The following SLC35D2 variants were observed in gnomAD, a reference collection of about 807,000 sequenced individuals.
SLC35D2 encodes solute carrier family 35 member D2.
SLC35D2 carries 43 observed loss-of-function variants against 41.8 expected under a neutral mutation model. The ratio of observed to expected loss-of-function variants is 1.03; its 90% CI spans 0.81 to 1.33. The LOEUF is 1.33. SLC35D2 is among the 40% of genes most tolerant of loss of function. The probability of loss-of-function intolerance (pLI) is 0.00; values close to 1 mark genes in which losing one functional copy is unlikely to be tolerated. For synonymous variants in SLC35D2, 150 were observed against 163.9 expected (o/e 0.92, Z 0.65); for missense variants, 380 against 408.4 (o/e 0.93, Z 0.60).
intron 4 of SLC35D2, among the ~76,000 whole-genome samples, chr9:96,358,204 GC>G (rs939464945): frequency 3.3e-5 from 5 of 150,368 alleles, no homozygotes; most frequent in Non-Finnish European, 4.4e-5. Flanking sequence ...AAGAGAATAA[GC>G]CAGACAAAAA....
downstream of SLC35D2, among the ~76,000 whole-genome samples, chr9:96,319,725 C>T (rs965702862): frequency 6.6e-6 from 1 of 152,112 alleles, no homozygotes; most frequent in Non-Finnish European, 1.5e-5. Flanking sequence ...GCCTCAAACT[C>T]CTAGGCTCAA....
intron 6 of SLC35D2, 27 bp from the exon 7 acceptor site, chr9:96,345,428 T>C (rs1346837898): frequency 1.5e-6 from 2 of 1,344,386 alleles, no homozygotes; most frequent in Admixed American, 3.6e-5. Flanking sequence ...AAAGGGAGAA[T>C]GATTACTCAA....
At chr9:96,340,268 A>G (rs1233258571) in intron 8 of SLC35D2, among the ~76,000 whole-genome samples, 1 of 152,066 alleles carries the variant, frequency 6.6e-6, no homozygotes, top group East Asian at 1.9e-4. Context: ...TTTTTCTTGC[A>G]GATTACAGTG....
intron 3 of SLC35D2, among the ~76,000 whole-genome samples, chr9:96,362,992 G>A (rs1239530018): frequency 2.0e-5 from 3 of 150,968 alleles, no homozygotes; most frequent in African/African-American, 4.9e-5. Flanking sequence ...TCAGTCTCCC[G>A]AGTAGCTGGG....
downstream of SLC35D2, among the ~76,000 whole-genome samples, chr9:96,317,581 AAACACATCTTT>A (rs1293838557): frequency 5.3e-5 from 8 of 152,200 alleles, no homozygotes; most frequent in African/African-American, 1.4e-4. Context: ...AAAAGTCTTA[AAACACATCTTT>A]AAGAATTCCA....
intron 8 of SLC35D2, among the ~76,000 whole-genome samples, chr9:96,340,397 T>A (rs1026550789): frequency 6.6e-6 from 1 of 151,894 alleles, no homozygotes; most frequent in African/African-American, 2.4e-5. Flanking sequence ...GGCGGGCAGA[T>A]CACGAGGTCA....
chr9:96,359,496 C>T (rs1299766485), intron 4 of SLC35D2, among the ~76,000 whole-genome samples: 1 of 151,790 alleles, frequency 6.6e-6, no homozygotes, highest in Non-Finnish European at 1.5e-5. Context: ...TCAAGACAAG[C>T]CTGGCCAACA....
intron 1 of SLC35D2, among the ~76,000 whole-genome samples, chr9:96,371,236 G>A (rs1830660621): frequency 6.6e-6 from 1 of 151,992 alleles, no homozygotes; most frequent in Middle Eastern, 3.4e-3. Flanking sequence ...AGGCCGAGGC[G>A]GGTGGATCAC....
chr9:96,345,530 T>C, intron 6 of SLC35D2, 129 bp from the exon 7 acceptor site: 1 of 648,712 alleles, frequency 1.5e-6, no homozygotes, highest in Non-Finnish European at 2.7e-6. Flanking sequence ...TTTGTGGTAG[T>C]GAATGATTAA....
At chr9:96,350,013 C>A (rs1325079731) in intron 6 of SLC35D2, among the ~76,000 whole-genome samples, 1 of 152,110 alleles carries the variant, frequency 6.6e-6, no homozygotes. Flanking sequence ...TGGCCCTATA[C>A]CTGCGGTGTG....
intron 9 of SLC35D2, among the ~76,000 whole-genome samples, chr9:96,328,030 C>CA (rs966904692): frequency 7.3e-5 from 11 of 151,504 alleles, no homozygotes; most frequent in Non-Finnish European, 1.2e-4. Flanking sequence ...TTTCTATATG[C>CA]AAAAAAAACT....
chr9:96,382,492 C>CTATATATAT (rs1238678610), intron 1 of SLC35D2, among the ~76,000 whole-genome samples: 3 of 144,196 alleles, frequency 2.1e-5, no homozygotes, highest in Non-Finnish European at 4.5e-5. Flanking sequence ...CACACACACA[C>CTATATATAT]ACACTATATA....
rs1220084258 is a variant in SLC35D2 at position 96,321,289 on chromosome 9, G to A, written c.967C>T (p.Pro323Ser). ...SFLTLSSQLK[P>S]KPVGEENICL... is the part of the protein sequence containing the mutation. Reference sequence around the variant, plus strand: ...ATGTTTTCTTCACCCACAGGTTTAGGTTTTAACTGGCTGCTCAGTGTTAAA... The same window carrying A: ...ATGTTTTCTTCACCCACAGGTTTAGATTTTAACTGGCTGCTCAGTGTTAAA... The change falls in exon 12 of 12, where the codon CCT (proline) becomes TCT (serine). Residue 323 changes from proline (P) to serine (S), a missense_variant. Coordinates refer to ENST00000253270, the MANE Select transcript of SLC35D2 (RefSeq NM_007001.3). The A allele has an allele frequency of 6.2e-7, 1 of 1,613,938 alleles. No individual in the cohort carries two copies. Among genetic ancestry groups the A allele is most frequent in the Non-Finnish European group, 8.5e-7 (1 of 1,179,944 alleles).
At chr9:96,380,086 G>T (rs1367153034) in intron 1 of SLC35D2, among the ~76,000 whole-genome samples, 1 of 151,982 alleles carries the variant, frequency 6.6e-6, no homozygotes, top group Non-Finnish European at 1.5e-5. Context: ...TAGTAGAGAT[G>T]GGGTTTCACC....
chr9:96,358,071 T>TTA (rs1316987330), intron 4 of SLC35D2, among the ~76,000 whole-genome samples: 17 of 120,802 alleles, frequency 1.4e-4, no homozygotes, highest in African/African-American at 4.4e-4. Flanking sequence ...AAACAAAATA[T>TTA]TATATATTTT....
chr9:96,353,344 A>ATTATTTATTTATTTAT (rs71308273), intron 4 of SLC35D2, among the ~76,000 whole-genome samples: 3,486 of 149,626 alleles, frequency 0.023, 152 homozygotes, highest in African/African-American at 0.08. Context: ...GCTGCAAAGG[A>ATTATTTATTTATTTAT]TTATTTATTT....
intron 8 of SLC35D2, among the ~76,000 whole-genome samples, chr9:96,340,433 A>G (rs767430467): frequency 1.3e-5 from 2 of 151,922 alleles, no homozygotes; most frequent in Non-Finnish European, 2.9e-5. Flanking sequence ...CCTGGCCAAC[A>G]TGGTGAAACC....
At chr9:96,375,886 C>T (rs1382382636) in intron 1 of SLC35D2, among the ~76,000 whole-genome samples, 1 of 151,444 alleles carries the variant, frequency 6.6e-6, no homozygotes, top group South Asian at 2.1e-4. Flanking sequence ...GGGAGTCAGG[C>T]GCAGTGGCTT....
At chr9:96,351,812 G>A (rs1183265342) in intron 5 of SLC35D2, among the ~76,000 whole-genome samples, 1 of 151,890 alleles carries the variant, frequency 6.6e-6, no homozygotes, top group African/African-American at 2.4e-5. Context: ...ACTTTCTTAC[G>A]ATTTTCTACC....
Sources: gnomAD v4.1 joint callset for allele counts (sites outside exome capture counted in the v4.1 genomes callset) on GRCh38, gnomAD v4.1.1 for gene constraint, MANE v1.5 for transcripts, NCBI Gene and HGNC (gene_info 2026-07-23, HGNC 2026-07-21) for gene names.